Variants in MBP observed in about 807,000 individuals in gnomAD.
MBP encodes the protein myelin basic protein, also known as Golli-MBP.
A neutral mutation model predicts 35.8 loss-of-function variants in MBP; 16 were observed. That is an observed-to-expected ratio of 0.45 (90% CI 0.30 to 0.68). MBP has a LOEUF of 0.68. MBP is among the 30% of genes least tolerant of loss of function. The pLI, the probability that MBP is intolerant of heterozygous loss-of-function variation, is 0.08. For synonymous variants in MBP, 143 were observed against 159.6 expected (o/e 0.90, Z 0.78); for missense variants, 380 against 404.7 (o/e 0.94, Z 0.52).
rs1212576451 is a variant in MBP at position 77,028,643 on chromosome 18, C to T, written c.140-11375G>A. 1.6e-4 allele frequency among the ~76,000 whole-genome samples: 12 copies of T among 74,476 alleles called. No homozygotes were observed. The East Asian group carries it at 1.8e-3, about 11-fold the overall frequency. 48.9% of individuals were successfully genotyped at this position (74,476 alleles called of 152,430 possible). A position where few individuals can be genotyped will look rare whatever the true frequency, so the allele number is the denominator to read the frequency against. ...GGCTGACCCCCCCCCACCTCCCTCC[C>T]GGACGGGGCAGCTGGCTGGGCAGAG... On this transcript the variant is annotated intron_variant, in intron 3 of 8. Coordinates refer to ENST00000355994, the MANE Select transcript of MBP (RefSeq NM_001025101.2).
intron 7 of MBP, chr18:76,985,174 A>G: frequency 6.7e-7 from 1 of 1,487,324 alleles, no homozygotes; most frequent in Non-Finnish European, 9.0e-7. Context: ...TATTTTAAGG[A>G]TCTAAGTCGT....
At chr18:77,056,820 C>T (rs1973744552) in intron 3 of MBP, among the ~76,000 whole-genome samples, 4 of 152,148 alleles carry the variant, frequency 2.6e-5, no homozygotes, top group Admixed American at 2.6e-4. Flanking sequence ...ACAGGGGAAC[C>T]GAGTCCACAG....
At position 76,984,930 on chromosome 18, in the gene MBP, G is replaced by A. The variant is rs79244267; in HGVS notation, c.751-36C>T. 4,070 of 1,608,790 alleles carry A rather than the reference G, an allele frequency of 2.5e-3. 74 individuals carry two copies. The African/African-American group carries it at 0.045, about 18-fold the overall frequency. On this transcript the variant is annotated intron_variant, in intron 7 of 8. Transcript: ENST00000355994. ...AGACCACGGAGCTCAACCTCCACCC[G>A]CGGTGCTGGGCACGCTGCTTGAGCC...
At chr18:77,084,426 CCACACCA>C (rs745835268) in intron 2 of MBP, among the ~76,000 whole-genome samples, 8,054 of 58,278 alleles carry the variant, frequency 0.14, 479 homozygotes, top group South Asian at 0.27. Flanking sequence ...CCCCGCCACA[CCACACCA>C]CACACACACA....
intron 4 of MBP, among the ~76,000 whole-genome samples, chr18:76,992,541 G>A (rs1267192332): frequency 6.6e-6 from 1 of 152,152 alleles, no homozygotes; most frequent in African/African-American, 2.4e-5. Context: ...TGCTGCCTGT[G>A]AGGCTCCCTG....
In MBP at chr18:77,017,256, G is replaced by A. The variant is rs1377507467; in HGVS notation, c.152C>T (p.Ala51Val). The part of the protein sequence containing the change: ...EDNEVFGEAD[A>V]NQNNGTSSQD... ...AGAGGAGGTCCCATTGTTCTGGTTC[G>A]CATCTGCCTCTCCTGCAAACAACAA... Residue 51 changes from alanine to valine, a missense_variant, in exon 4 of 9, where the codon GCG (alanine) becomes GTG (valine). By Grantham distance (64) the Ala-to-Val change is moderately conservative (BLOSUM62 0). Coordinates refer to ENST00000355994, the MANE Select transcript of MBP (RefSeq NM_001025101.2). The A allele has an allele frequency of 2.0e-6, 3 of 1,509,364 alleles. No homozygotes were observed. The highest frequency in any genetic ancestry group is 1.8e-4 in the Middle Eastern group (1 of 5,560). 93.5% of individuals were successfully genotyped at this position (1,509,364 alleles called of 1,614,324 possible).
chr18:77,116,617 G>A (rs1249738733), intron 1 of MBP, among the ~76,000 whole-genome samples: 1 of 152,182 alleles, frequency 6.6e-6, no homozygotes, highest in Non-Finnish European at 1.5e-5. Flanking sequence ...CCACTTTACA[G>A]ACGTTGAAAC....
chr18:76,980,462 C>G lies in MBP; in HGVS notation c.880G>C (p.Asp294His), dbSNP rs760556766. ...GCCATGGGTGATCCAGAGCGACTATCTCTTCCTCCCTGAAAAGGAAGAGAG... is the reference window on the plus strand; with the variant it reads ...GCCATGGGTGATCCAGAGCGACTATGTCTTCCTCCCTGAAAAGGAAGAGAG... Reference protein sequence around the residue: ...LSKIFKLGGRDSRSGSPMARR With the variant: ...LSKIFKLGGRHSRSGSPMARR Residue 294 changes from aspartate to histidine, a missense_variant, in exon 9 of 9, where the codon GAT (aspartate) becomes CAT (histidine). Asp to His is a moderately conservative substitution (Grantham distance 81). Coordinates refer to ENST00000355994, the MANE Select transcript of MBP (RefSeq NM_001025101.2). The G allele has an allele frequency of 3.7e-6, 6 of 1,613,694 alleles. No homozygotes were observed. The South Asian group carries it at 4.4e-5, about 12-fold the overall frequency.
chr18:77,014,527 C>A lies in MBP; in HGVS notation c.576+2305G>T, dbSNP rs961803471. ...CGGCCTATCCCAAGGACCTTCCTAG[C>A]ATATAAAAACAGGGGCTCTCCTGAT... On this transcript the variant is annotated intron_variant, in intron 4 of 8. Transcript: ENST00000355994. The A allele has an allele frequency of 1.6e-5, 16 of 985,312 alleles. No individual in the cohort carries two copies. The South Asian group carries it at 4.2e-4, about 26-fold the overall frequency. 61.0% of individuals were successfully genotyped at this position (985,312 alleles called of 1,614,324 possible).
intron 4 of MBP, among the ~76,000 whole-genome samples, chr18:76,992,211 G>C (rs1233373499): frequency 6.6e-6 from 1 of 152,212 alleles, no homozygotes; most frequent in African/African-American, 2.4e-5. Context: ...TTCCATGGAT[G>C]GGGGTGGGTA....
intron 2 of MBP, among the ~76,000 whole-genome samples, chr18:77,089,393 G>A (rs1490345642): frequency 1.3e-5 from 2 of 152,198 alleles, no homozygotes; most frequent in Non-Finnish European, 2.9e-5. Flanking sequence ...GTGTCCTAAG[G>A]AGAGAAGACA....
intron 2 of MBP, among the ~76,000 whole-genome samples, chr18:77,085,173 C>G (rs931545694): frequency 6.6e-6 from 1 of 151,866 alleles, no homozygotes; most frequent in African/African-American, 2.4e-5. Flanking sequence ...TGGTGAATAC[C>G]CTTCCTTTAG....
At chr18:77,053,869 G>A (rs115106015) in intron 3 of MBP, among the ~76,000 whole-genome samples, 1,998 of 152,356 alleles carry the variant, frequency 0.013, 43 homozygotes, top group African/African-American at 0.046. Context: ...AGATGTCCCT[G>A]CCTTCATGGG....
At chr18:77,029,164 C>T (rs1302706112) in intron 3 of MBP, among the ~76,000 whole-genome samples, 3 of 122,766 alleles carry the variant, frequency 2.4e-5, no homozygotes, top group Admixed American at 8.7e-5. Flanking sequence ...ATCCCGGCAC[C>T]TCGGGAGGCC....
At chr18:77,072,444 C>T (rs867436951) in intron 2 of MBP, among the ~76,000 whole-genome samples, 20 of 152,284 alleles carry the variant, frequency 1.3e-4, no homozygotes, top group African/African-American at 3.9e-4. Flanking sequence ...GCCAAGACCT[C>T]GGGCTCTCTG....
intron 1 of MBP, chr18:77,114,737 T>C (rs1485281366): frequency 1.3e-5 from 2 of 152,318 alleles, no homozygotes; most frequent in African/African-American, 4.8e-5. Flanking sequence ...GTGGGATCCC[T>C]GGTAGCTTCG....
intron 1 of MBP, among the ~76,000 whole-genome samples, chr18:77,112,169 G>GCACACA (rs6146398): frequency 0.071 from 10,701 of 150,866 alleles, 420 homozygotes; most frequent in Non-Finnish European, 0.084. Flanking sequence ...CCGTGCACAC[G>GCACACA]CACACACACA....
intron 3 of MBP, among the ~76,000 whole-genome samples, chr18:77,060,796 T>TAGGAAACCCTGTTTTCTGGAGG (rs1386973886): frequency 1.3e-5 from 2 of 152,176 alleles, no homozygotes; most frequent in East Asian, 1.9e-4. Flanking sequence ...TGAGGGTCAA[T>TAGGAAACCCTGTTTTCTGGAGG]AGGAAACCCT....
At chr18:77,084,772 T>C (rs1386348937) in intron 2 of MBP, among the ~76,000 whole-genome samples, 2 of 152,188 alleles carry the variant, frequency 1.3e-5, no homozygotes, top group East Asian at 3.8e-4. Flanking sequence ...CACTGTCTTC[T>C]AGAAATTACA....
Sources: allele counts gnomAD v4.1 joint callset (sites outside exome capture counted in the v4.1 genomes callset), GRCh38; gene constraint gnomAD v4.1.1; transcripts MANE v1.5; gene names NCBI Gene and HGNC (gene_info 2026-07-23, HGNC 2026-07-21).